BCO2: variants seen among roughly 807,000 people sequenced by gnomAD.
BCO2 encodes the protein beta-carotene oxygenase 2.
BCO2 carries 56 observed loss-of-function variants against 65.8 expected under a neutral mutation model. That is an observed-to-expected ratio of 0.85 (90% CI 0.69 to 1.06). BCO2 has a LOEUF of 1.06. Among genes scored for constraint, BCO2 ranks in the 50% least tolerant of loss-of-function variants. The pLI, the probability that BCO2 is intolerant of heterozygous loss-of-function variation, is 0.00. For synonymous variants in BCO2, 233 were observed against 242.3 expected (o/e 0.96, Z 0.36); for missense variants, 675 against 698.5 (o/e 0.97, Z 0.38).
intron 2 of BCO2, chr11:112,181,591 G>GA (rs1867052763): frequency 2.6e-6 from 2 of 758,426 alleles, no homozygotes; most frequent in Non-Finnish European, 4.9e-6. Context: ...TGTGTTAGAA[G>GA]AAGCAAGATT....
chr11:112,187,356 C>T (rs1236130588), intron 2 of BCO2, among the ~76,000 whole-genome samples: 1 of 151,938 alleles, frequency 6.6e-6, no homozygotes, highest in East Asian at 1.9e-4. Context: ...TTCCCCTGCT[C>T]ATGGCCCAGT....
rs1483035731 is a variant in BCO2 at position 112,182,423 on chromosome 11, T to C, written c.293+2941T>C. On this transcript the variant is annotated intron_variant, in intron 2 of 11. Coordinates refer to ENST00000357685, the MANE Select transcript of BCO2 (RefSeq NM_031938.7). ...ACACCTATGTTTATTGTGGCACTAT[T>C]CACAATAGCAAAGTCTTGGAACCAA... Among the ~76,000 whole-genome samples, 5 of 152,220 alleles carry C rather than the reference T, an allele frequency of 3.3e-5. No homozygotes were observed. In the South Asian group the frequency reaches 6.2e-4, roughly 19 times the overall value.
At chr11:112,187,118 G>C (rs758943531) in intron 2 of BCO2, among the ~76,000 whole-genome samples, 2 of 152,128 alleles carry the variant, frequency 1.3e-5, no homozygotes, top group African/African-American at 2.4e-5. Flanking sequence ...CAGTTTTCAC[G>C]GTCCTACATT....
intron 8 of BCO2, among the ~76,000 whole-genome samples, chr11:112,209,506 A>G (rs1253317747): frequency 6.6e-6 from 1 of 152,218 alleles, no homozygotes; most frequent in African/African-American, 2.4e-5. Context: ...CTTGGCAATT[A>G]TGAATAAAGC....
chr11:112,192,925 G>GTTGTTTTT (rs1867433745), intron 2 of BCO2, among the ~76,000 whole-genome samples: 1 of 36,658 alleles, frequency 2.7e-5, no homozygotes, highest in East Asian at 9.0e-4. Context: ...AAAATGTGAG[G>GTTGTTTTT]TTTTTTTTTT....
intron 8 of BCO2, among the ~76,000 whole-genome samples, chr11:112,211,314 TTG>T (rs1470342787): frequency 2.4e-5 from 2 of 84,574 alleles, no homozygotes; most frequent in Non-Finnish European, 4.8e-5. Context: ...TAATATTCGA[TTG>T]TATACACACA....
At chr11:112,176,519 G>GGC (rs1008049069) in intron 1 of BCO2, 1 of 130,878 alleles carries the variant, frequency 7.6e-6, no homozygotes, top group Non-Finnish European at 1.6e-5. Flanking sequence ...TTGATTGGCG[G>GGC]GGGGGGGGGA....
intron 8 of BCO2, among the ~76,000 whole-genome samples, chr11:112,210,613 AG>A (rs112702941): frequency 2.6e-5 from 4 of 152,266 alleles, no homozygotes; most frequent in African/African-American, 9.6e-5. Context: ...TTTAAGGTTA[AG>A]GGGTAAGTGA....
chr11:112,193,815 G>T, intron 3 of BCO2, 64 bp from the exon 4 acceptor site: 1 of 1,466,222 alleles, frequency 6.8e-7, no homozygotes, highest in South Asian at 1.1e-5. Flanking sequence ...CTCCCTTTGA[G>T]TGTGTGCTTA....
intron 8 of BCO2, among the ~76,000 whole-genome samples, chr11:112,205,297 T>C (rs1867838958): frequency 6.6e-6 from 1 of 152,234 alleles, no homozygotes; most frequent in African/African-American, 2.4e-5. Context: ...CCCTTTCTTC[T>C]ACACCCTTGC....
At chr11:112,199,670 C>A (rs1178347283) in intron 5 of BCO2, 29 bp from the exon 6 acceptor site, 1 of 1,602,672 alleles carries the variant, frequency 6.2e-7, no homozygotes, top group African/African-American at 1.3e-5. Context: ...ATATGTAAAA[C>A]AGGTAAGATA....
intron 2 of BCO2, among the ~76,000 whole-genome samples, chr11:112,184,836 T>C (rs1867159002): frequency 6.6e-6 from 1 of 152,160 alleles, no homozygotes; most frequent in African/African-American, 2.4e-5. Context: ...TCCAAATGGG[T>C]TCTGAATTCT....
At chr11:112,192,455 T>G (rs1422450258) in intron 2 of BCO2, among the ~76,000 whole-genome samples, 2 of 152,084 alleles carry the variant, frequency 1.3e-5, no homozygotes, top group Non-Finnish European at 2.9e-5. Context: ...AGCCACAAAC[T>G]TTTCCTTACA....
At position 112,179,288 on chromosome 11, in the gene BCO2, G is replaced by C; in HGVS notation, c.99G>C (p.Arg33Ser). 6.2e-7 allele frequency: 1 copy of C among 1,614,082 alleles called. No homozygotes were observed. The highest frequency in any genetic ancestry group is 8.5e-7 in the Non-Finnish European group (1 of 1,179,996). ...VMVHRLPVFK[R>S]YMGNTPQKKA... is the part of the protein sequence containing the mutation. ...GTTTCCTCTGCACAGTTTTCAAAAGGTACATGGGAAATACTCCTCAGAAAA... is the reference window on the plus strand; with the variant it reads ...GTTTCCTCTGCACAGTTTTCAAAAGCTACATGGGAAATACTCCTCAGAAAA... Residue 33 changes from arginine to serine, a missense_variant, in exon 2 of 12, where the codon AGG (arginine) becomes AGC (serine). By Grantham distance (110) the Arg-to-Ser change is moderately radical. Coordinates refer to ENST00000357685, the MANE Select transcript of BCO2 (RefSeq NM_031938.7).
chr11:112,195,259 G>T (rs976385142), intron 5 of BCO2, among the ~76,000 whole-genome samples: 4 of 99,056 alleles, frequency 4.0e-5, no homozygotes, highest in Admixed American at 1.1e-4. Flanking sequence ...CTCAGCCACT[G>T]GAGTAGCTGG....
At chr11:112,179,534 T>C (rs1566764523) in intron 2 of BCO2, 52 bp downstream of exon 2, 8 of 1,467,776 alleles carry the variant, frequency 5.5e-6, no homozygotes, top group Non-Finnish European at 6.7e-6. Context: ...GGGCTGGTTC[T>C]GTGGAATATG....
intron 2 of BCO2, among the ~76,000 whole-genome samples, chr11:112,192,924 G>GGTTTTTTT (rs1360992356): frequency 2.7e-4 from 1 of 3,648 alleles, no homozygotes; most frequent in Non-Finnish European, 1.4e-3. Flanking sequence ...TAAAATGTGA[G>GGTTTTTTT]GTTTTTTTTT....
At chr11:112,206,170 G>A (rs1414047365) in intron 8 of BCO2, among the ~76,000 whole-genome samples, 1 of 151,344 alleles carries the variant, frequency 6.6e-6, no homozygotes, top group African/African-American at 2.4e-5. Flanking sequence ...GCGGGGGCCG[G>A]GCAGAGGCGC....
At position 112,199,760 on chromosome 11, in the gene BCO2, T is replaced by C; in HGVS notation, c.798T>C (p.His266=). The stretch of plus-strand genomic sequence containing the variant: ...AGGTGGACCTTGGGGAGACAATCCA[T>C]GGAGTCCAGGTGATATGTTCTATTG... The part of the protein sequence containing the change: ...PEKVDLGETI[H]GVQVICSIAS... Residue 266 remains histidine (H), a synonymous_variant, in exon 6 of 12, where the codon CAT becomes CAC. Coordinates refer to ENST00000357685, the MANE Select transcript of BCO2 (RefSeq NM_031938.7). The C allele has an allele frequency of 1.2e-6, 2 of 1,613,772 alleles. No individual in the cohort carries two copies. The highest frequency in any genetic ancestry group is 1.3e-5 in the African/African-American group (1 of 75,060).
Sources: allele counts gnomAD v4.1 joint callset (sites outside exome capture counted in the v4.1 genomes callset), GRCh38; gene constraint gnomAD v4.1.1; transcripts MANE v1.5; gene names NCBI Gene and HGNC (gene_info 2026-07-23, HGNC 2026-07-21).